The following PLXNA4 variants were observed in gnomAD, a reference collection of about 807,000 sequenced individuals.
The protein encoded by PLXNA4 is plexin A4.
In PLXNA4, 44 loss-of-function variants were observed where a neutral mutation model predicts 191.8. That is an observed-to-expected ratio of 0.23 (90% confidence interval 0.18 to 0.29). The LOEUF (loss-of-function observed/expected upper bound fraction) is 0.29, where lower values mean the gene tolerates loss of function less well. Ranked by LOEUF, PLXNA4 falls within the 10% of genes least tolerant of loss-of-function variation. The pLI, the probability that PLXNA4 is intolerant of heterozygous loss-of-function variation, is 1.00. For synonymous variants in PLXNA4, 1,082 were observed against 1,009.5 expected (o/e 1.07, Z -1.36); for missense variants, 1,800 against 2,488.8 (o/e 0.72, Z 5.89).
intron 3 of PLXNA4, among the ~76,000 whole-genome samples, chr7:132,440,967 T>C (rs755590758): frequency 2.0e-5 from 3 of 152,230 alleles, no homozygotes; most frequent in Non-Finnish European, 4.4e-5. Context: ...AATAATATGA[T>C]AGTTATTTTC....
chr7:132,206,679 C>T (rs1344039291), intron 10 of PLXNA4, among the ~76,000 whole-genome samples: 1 of 152,008 alleles, frequency 6.6e-6, no homozygotes, highest in East Asian at 1.9e-4. Context: ...GCTCTCTCTC[C>T]TGTGGATGAC....
intron 3 of PLXNA4, among the ~76,000 whole-genome samples, chr7:132,351,089 G>A (rs931552226): frequency 1.3e-5 from 2 of 152,220 alleles, no homozygotes; most frequent in African/African-American, 4.8e-5. Flanking sequence ...ATAGACAAAT[G>A]TACAGAGAAA....
At chr7:132,236,954 C>A (rs1170787804) in intron 5 of PLXNA4, among the ~76,000 whole-genome samples, 2 of 152,152 alleles carry the variant, frequency 1.3e-5, no homozygotes, top group Admixed American at 1.3e-4. Context: ...AAAGGGAGGG[C>A]AGATCAGGAG....
At chr7:132,360,534 G>A (rs576992191) in intron 3 of PLXNA4, among the ~76,000 whole-genome samples, 37 of 152,294 alleles carry the variant, frequency 2.4e-4, no homozygotes, top group African/African-American at 8.2e-4. Context: ...TAAGGGTCCC[G>A]TTCTATCCTT....
chr7:132,637,682 A>T (rs1439444592), intron 2 of PLXNA4, among the ~76,000 whole-genome samples: 2 of 152,208 alleles, frequency 1.3e-5, no homozygotes, highest in Non-Finnish European at 2.9e-5. Context: ...CCCACTTGTG[A>T]TGTAGTTACT....
chr7:132,288,761 C>T (rs1425111315), intron 4 of PLXNA4, among the ~76,000 whole-genome samples: 11 of 152,174 alleles, frequency 7.2e-5, no homozygotes. Flanking sequence ...TGCCCACAGA[C>T]ACAGTGCTGA....
At chr7:132,269,028 T>C (rs1799960586) in intron 4 of PLXNA4, among the ~76,000 whole-genome samples, 1 of 152,186 alleles carries the variant, frequency 6.6e-6, no homozygotes, top group Admixed American at 6.5e-5. Flanking sequence ...TATTAGCTTG[T>C]GGTCTTAATA....
chr7:132,565,415 A>T lies in PLXNA4; in HGVS notation c.-87+11007T>A, dbSNP rs539140808. Among the ~76,000 whole-genome samples, 4 of 152,242 alleles carry T rather than the reference A, an allele frequency of 2.6e-5. No individual in the cohort carries two copies. The South Asian group carries it at 6.2e-4, about 24-fold the overall frequency. ...AGGAAACAAAAATAGGCCTGGAAAA[A>T]CCACAGCCACATTTCTGACAAGCTC... On this transcript the variant is annotated intron_variant, in intron 1 of 31. Transcript: ENST00000321063.
chr7:132,255,013 C>T (rs919841664), intron 4 of PLXNA4, among the ~76,000 whole-genome samples: 2 of 152,068 alleles, frequency 1.3e-5, no homozygotes, highest in Non-Finnish European at 2.9e-5. Context: ...TGGGGGAAGG[C>T]CGGGAGTCTC....
intron 3 of PLXNA4, among the ~76,000 whole-genome samples, chr7:132,310,251 C>T (rs74744332): frequency 0.013 from 1,971 of 152,300 alleles, 37 homozygotes; most frequent in African/African-American, 0.045. Context: ...CAGTTCAGCA[C>T]CTGATACATG....
chr7:132,372,566 A>T (rs1804490515), intron 3 of PLXNA4, among the ~76,000 whole-genome samples: 1 of 152,124 alleles, frequency 6.6e-6, no homozygotes. Flanking sequence ...ACACCAAGCA[A>T]CGTGTCCTCT....
chr7:132,365,147 T>C (rs1269493171), intron 3 of PLXNA4, among the ~76,000 whole-genome samples: 1 of 152,140 alleles, frequency 6.6e-6, no homozygotes, highest in African/African-American at 2.4e-5. Flanking sequence ...GGAAACAAAC[T>C]TAAGGGCTCA....
chr7:132,472,066 G>A (rs1370015809), intron 3 of PLXNA4, among the ~76,000 whole-genome samples: 2 of 152,158 alleles, frequency 1.3e-5, no homozygotes, highest in East Asian at 3.9e-4. Context: ...ACTCTGTAAA[G>A]TTTGCTTGTA....
intron 1 of PLXNA4, among the ~76,000 whole-genome samples, chr7:132,526,844 C>A (rs1799420551): frequency 6.6e-6 from 1 of 152,138 alleles, no homozygotes; most frequent in Non-Finnish European, 1.5e-5. Context: ...AGTCTTCATG[C>A]CTAAACTTTA....
intron 25 of PLXNA4, among the ~76,000 whole-genome samples, chr7:132,151,289 AGG>A (rs1394885596): frequency 7.4e-5 from 5 of 67,596 alleles, no homozygotes; most frequent in East Asian, 6.8e-4. Flanking sequence ...GAGGAGGAGG[AGG>A]AAGAAGAAGG....
chr7:132,352,587 T>C (rs1050577427), intron 3 of PLXNA4, among the ~76,000 whole-genome samples: 3 of 152,136 alleles, frequency 2.0e-5, no homozygotes, highest in Non-Finnish European at 4.4e-5. Flanking sequence ...CAGGGGCACG[T>C]GGTAGAACCT....
intron 4 of PLXNA4, among the ~76,000 whole-genome samples, chr7:132,264,629 C>T (rs1177571103): frequency 2.6e-5 from 4 of 152,108 alleles, no homozygotes; most frequent in Middle Eastern, 3.4e-3. Context: ...CCTGAGCTAC[C>T]TCATCTACTC....
chr7:132,373,513 G>T (rs1467362245), intron 3 of PLXNA4, among the ~76,000 whole-genome samples: 1 of 152,212 alleles, frequency 6.6e-6, no homozygotes, highest in Non-Finnish European at 1.5e-5. Context: ...TGGACTAAGG[G>T]CTGTAGATGT....
chr7:132,619,036 T>C (rs1473840325), intron 2 of PLXNA4, among the ~76,000 whole-genome samples: 1 of 152,192 alleles, frequency 6.6e-6, no homozygotes, highest in African/African-American at 2.4e-5. Flanking sequence ...ACCCAGACAC[T>C]GCCTGGTAAC....
Sources: gnomAD v4.1 joint callset for allele counts (sites outside exome capture counted in the v4.1 genomes callset) on GRCh38, gnomAD v4.1.1 for gene constraint, MANE v1.5 for transcripts, NCBI Gene and HGNC (gene_info 2026-07-23, HGNC 2026-07-21) for gene names.